Variants in CHD1 observed in about 807,000 individuals in gnomAD.
CHD1 encodes chromodomain helicase DNA binding protein 1.
Under a neutral mutation model 224.2 loss-of-function variants are expected in CHD1, and 36 were observed. That is an observed-to-expected ratio of 0.16 (90% CI 0.12 to 0.21). The LOEUF is 0.21. Ranked by LOEUF, CHD1 falls within the 10% of genes least tolerant of loss-of-function variation. The pLI is 1.00. For missense variants in CHD1, 1,378 were observed against 1,994.8 expected (o/e 0.69, Z 5.89); for synonymous variants, 668 against 658.3 (o/e 1.01, Z -0.23).
chr5:98,882,167 T>A, intron 19 of CHD1, 44 bp from the exon 20 acceptor site: 1 of 1,562,474 alleles, frequency 6.4e-7, no homozygotes, highest in Non-Finnish European at 8.7e-7. Context: ...TATAAAGGAT[T>A]TGTTTTGCTA....
At chr5:98,908,490 T>G (rs1255314561) in intron 2 of CHD1, among the ~76,000 whole-genome samples, 1 of 152,182 alleles carries the variant, frequency 6.6e-6, no homozygotes, top group African/African-American at 2.4e-5. Context: ...GCTGCTCTTA[T>G]GTCAAGCATT....
chr5:98,898,419 T>G lies in CHD1; in HGVS notation c.1202A>C (p.Lys401Thr). The G allele has an allele frequency of 1.3e-6, 2 of 1,573,130 alleles. No homozygotes were observed. Among genetic ancestry groups the G allele is most frequent in the Non-Finnish European group, 1.7e-6 (2 of 1,166,290 alleles). The change falls in exon 10 of 36, where the codon AAG becomes ACG. Residue 401 changes from lysine (K) to threonine (T), a missense_variant. Transcript: ENST00000614616. ...VERIIAHSNQ[K>T]SAAGYPDYYC... ...ATAATCAGGATAACCAGCTGCTGAC[T>G]TTTGATTGGAATGAGCTGTGAGAGA...
At chr5:98,875,743 T>G (rs1023231680) in intron 24 of CHD1, among the ~76,000 whole-genome samples, 1 of 152,134 alleles carries the variant, frequency 6.6e-6, no homozygotes, top group Admixed American at 6.5e-5. Flanking sequence ...GGTCTAAGAT[T>G]TTAAAAGAAA....
In CHD1 at chr5:98,856,046, G is replaced by C. The variant is rs1747996301; in HGVS notation, c.*334C>G. On this transcript the variant is annotated 3_prime_UTR_variant, in exon 36 of 36. Transcript: ENST00000614616. Reference sequence around the variant, plus strand: ...ATATATAAACATAATTTAAATGGAGGTCAGTCTAAAATCACTGACTTAAAA... The same window carrying C: ...ATATATAAACATAATTTAAATGGAGCTCAGTCTAAAATCACTGACTTAAAA... The C allele has an allele frequency of 5.8e-6, 1 of 171,676 alleles. No individual in the cohort carries two copies. Among genetic ancestry groups the C allele is most frequent in the Admixed American group, 5.5e-5 (1 of 18,056 alleles). 10.6% of individuals were successfully genotyped at this position (171,676 alleles called of 1,614,324 possible). A position where few individuals can be genotyped will look rare whatever the true frequency, so the allele number is the denominator to read the frequency against.
In CHD1 at chr5:98,903,844, T is replaced by C; in HGVS notation, c.320A>G (p.Gln107Arg). The change falls in exon 4 of 36, where the codon CAG (glutamine) becomes CGG (arginine). Residue 107 changes from glutamine (Q) to arginine (R), a missense_variant. Gln to Arg is a conservative substitution (Grantham distance 43). Around this residue, in one of 16 missense-constraint regions of CHD1, gnomAD observed 306 missense variants for 298.1 expected, o/e 1.03. Transcript: ENST00000614616. ...QRSAILKKQQ[Q>R]QQQQQQHQAS... ...TTGATGTTGTTGTTGCTGCTGCTGC[T>C]GTTGCTGCTTCTTGAGGATTGCAGA... 6.2e-7 allele frequency: 1 copy of C among 1,613,496 alleles called. No homozygotes were observed. The highest frequency in any genetic ancestry group is 8.5e-7 in the Non-Finnish European group (1 of 1,179,624).
rs182983283 is a variant in CHD1 at position 98,867,558 on chromosome 5, A to G, written c.4248+937T>C. 3.9e-3 allele frequency among the ~76,000 whole-genome samples: 586 copies of G among 150,952 alleles called. 2 individuals carry two copies. The highest frequency in any genetic ancestry group is 0.013 in the African/African-American group (531 of 40,988). ...CCATAAATAAGAAGCACTATTACAC[A>G]TGTGTGTGTGTGTGTGTACATATTT... On this transcript the variant is annotated intron_variant, in intron 31 of 35. Coordinates refer to ENST00000614616, the MANE Select transcript of CHD1 (RefSeq NM_001270.4).
intron 30 of CHD1, chr5:98,868,889 C>A: frequency 4.1e-6 from 2 of 484,154 alleles, no homozygotes; most frequent in Non-Finnish European, 5.9e-6. Context: ...CTACTGCATA[C>A]CCAAACATGC....
intron 17 of CHD1, 179 bp from the exon 18 acceptor site, chr5:98,885,828 A>G: frequency 1.8e-6 from 1 of 550,682 alleles, no homozygotes. Flanking sequence ...TGTGCTCCAA[A>G]TCACTAAGAC....
At chr5:98,893,742 G>A (rs1003556642) in intron 13 of CHD1, 136 bp from the exon 14 acceptor site, 26 of 599,048 alleles carry the variant, frequency 4.3e-5, no homozygotes, top group East Asian at 1.2e-4. Flanking sequence ...ATAAAAAATC[G>A]TAATCTCAAG....
intron 32 of CHD1, 78 bp from the exon 33 acceptor site, chr5:98,860,146 C>T (rs1299043171): frequency 1.3e-6 from 1 of 769,954 alleles, no homozygotes; most frequent in Admixed American, 2.0e-5. Flanking sequence ...CTCCTTCCCT[C>T]CAGGCACAAA....
chr5:98,876,734 T>C (rs1749791395), intron 23 of CHD1, among the ~76,000 whole-genome samples, 176 bp from the exon 24 acceptor site: 1 of 152,240 alleles, frequency 6.6e-6, no homozygotes, highest in Non-Finnish European at 1.5e-5. Flanking sequence ...GTGGATATTT[T>C]GATTTAAAAG....
intron 13 of CHD1, among the ~76,000 whole-genome samples, chr5:98,893,895 A>T (rs1209789471): frequency 6.6e-6 from 1 of 152,150 alleles, no homozygotes; most frequent in East Asian, 1.9e-4. Flanking sequence ...AAATTTTTAC[A>T]AAAGATTTTT....
intron 2 of CHD1, among the ~76,000 whole-genome samples, chr5:98,923,052 GC>G (rs1753211152): frequency 6.6e-6 from 1 of 151,224 alleles, no homozygotes; most frequent in African/African-American, 2.4e-5. Context: ...AGTTTTTTTT[GC>G]AAGAAAATCC....
rs752605006 is a variant in CHD1 at position 98,896,367 on chromosome 5, C to G, written c.1569G>C (p.Leu523Phe). The G allele has an allele frequency of 5.0e-6, 8 of 1,613,754 alleles. No individual in the cohort carries two copies. In the South Asian group the frequency reaches 7.7e-5, roughly 16 times the overall value. ...TIQTISFLNY[L>F]FHEHQLYGPF... The stretch of plus-strand genomic sequence containing the variant: ...GTCCATATAATTGATGTTCATGAAA[C>G]AAATAATTCAGAAATGAGATCGTCT... Residue 523 changes from leucine (L) to phenylalanine (F), a missense_variant, in exon 12 of 36, where the codon TTG (leucine) becomes TTC (phenylalanine). Transcript: ENST00000614616.
chr5:98,879,475 C>T (rs1750009103), intron 23 of CHD1, 77 bp downstream of exon 23: 2 of 1,309,466 alleles, frequency 1.5e-6, no homozygotes. Flanking sequence ...TGGACTGATA[C>T]CTCGTAGAAA....
intron 2 of CHD1, among the ~76,000 whole-genome samples, chr5:98,916,319 G>A (rs1714200503): frequency 1.3e-5 from 2 of 152,012 alleles, no homozygotes; most frequent in African/African-American, 4.8e-5. Context: ...GCCAAGGCAG[G>A]TGGACCACCT....
At chr5:98,909,495 C>T (rs185093021) in intron 2 of CHD1, among the ~76,000 whole-genome samples, 1 of 152,146 alleles carries the variant, frequency 6.6e-6, no homozygotes, top group African/African-American at 2.4e-5. Context: ...ATAAAGCTCC[C>T]CATCACTTCA....
chr5:98,864,866 T>A (rs1748742066), intron 31 of CHD1, among the ~76,000 whole-genome samples: 1 of 152,188 alleles, frequency 6.6e-6, no homozygotes, highest in African/African-American at 2.4e-5. Flanking sequence ...CTTTGGCAGT[T>A]TATATTCTGT....
chr5:98,898,472 T>A (rs376185521), intron 9 of CHD1, 38 bp from the exon 10 acceptor site: 252 of 1,445,190 alleles, frequency 1.7e-4, no homozygotes, highest in South Asian at 2.1e-4. Flanking sequence ...TTATTTATTT[T>A]TTTTTACATT....
Sources: gnomAD v4.1 joint callset for allele counts (sites outside exome capture counted in the v4.1 genomes callset) on GRCh38, gnomAD v4.1.1 for gene constraint, gnomAD v4.1.1 regional missense constraint, MANE v1.5 for transcripts, NCBI Gene and HGNC (gene_info 2026-07-23, HGNC 2026-07-21) for gene names.